The following ANKRD17 variants were observed in gnomAD, a reference collection of about 807,000 sequenced individuals.
ANKRD17 encodes ankyrin repeat domain-containing protein 17.
Under a neutral mutation model 229.7 loss-of-function variants are expected in ANKRD17, and 19 were observed. The observed-to-expected ratio is 0.08, with a 90% confidence interval of 0.06 to 0.12. The LOEUF (loss-of-function observed/expected upper bound fraction) is 0.12. ANKRD17 is among the 10% of genes least tolerant of loss of function. ANKRD17 has a pLI of 1.00. For synonymous variants in ANKRD17, 1,112 were observed against 1,146.1 expected, an observed-to-expected ratio of 0.97 and a Z score of 0.60; for missense variants, 2,176 against 3,176.8, an observed-to-expected ratio of 0.68 and a Z score of 7.57.
chr4:73,126,154 G>A (rs918568334), intron 16 of ANKRD17, among the ~76,000 whole-genome samples: 1 of 152,118 alleles, frequency 6.6e-6, no homozygotes, highest in African/African-American at 2.4e-5. Flanking sequence ...AGAATTCATG[G>A]AGCAGATTAT....
In ANKRD17 at chr4:73,175,565, G is replaced by A. The variant is rs193160586; in HGVS notation, c.547+1815C>T. Among the ~76,000 whole-genome samples the A allele has an allele frequency of 5.8e-4, 89 of 152,264 alleles. 1 individual carries two copies. The highest frequency in any genetic ancestry group is 2.4e-3 in the Admixed American group (37 of 15,292). On this transcript the variant is annotated intron_variant, in intron 2 of 33. Coordinates refer to ENST00000358602, the MANE Select transcript of ANKRD17 (RefSeq NM_032217.5). ...ACCTGATTTCAAATTATACTACAGA[G>A]TTATAGTAACCAAAATGGCATGATT...
At chr4:73,118,623 T>G in intron 22 of ANKRD17, 65 bp downstream of exon 22, 2 of 1,572,446 alleles carry the variant, frequency 1.3e-6, no homozygotes, top group East Asian at 4.5e-5. Context: ...TAGTGATCAC[T>G]AAGCCATGTA....
At chr4:73,153,511 AG>A (rs1488150026) in intron 6 of ANKRD17, among the ~76,000 whole-genome samples, 1 of 152,184 alleles carries the variant, frequency 6.6e-6, no homozygotes, top group African/African-American at 2.4e-5. Flanking sequence ...CTGCCAAAGG[AG>A]GGCATTTTCT....
rs111257127 is a variant in ANKRD17, at chr4:73,152,852, G to C, written c.1234+1028C>G. ...TGGGGAAGGGAACTAAGGGACCTCA[G>C]CTGTGCTCCCTATCTGAAAATCTAT... On this transcript the variant is annotated intron_variant, in intron 6 of 33. Transcript: ENST00000358602. Among the ~76,000 whole-genome samples, 287 of 152,252 alleles carry C rather than the reference G, an allele frequency of 1.9e-3. 1 individual carries two copies. The highest frequency in any genetic ancestry group is 6.6e-3 in the African/African-American group (275 of 41,536).
chr4:73,182,211 A>G (rs2149021823), intron 1 of ANKRD17, among the ~76,000 whole-genome samples: 1 of 152,136 alleles, frequency 6.6e-6, no homozygotes, highest in Middle Eastern at 3.4e-3. Flanking sequence ...GGGGGGAAAA[A>G]AGTTATCAAA....
At chr4:73,158,040 A>G (rs1731906253) in intron 3 of ANKRD17, among the ~76,000 whole-genome samples, 1 of 151,858 alleles carries the variant, frequency 6.6e-6, no homozygotes, top group Admixed American at 6.6e-5. Context: ...GCAGTGAGCC[A>G]GGATCACACC....
intron 24 of ANKRD17, chr4:73,113,435 T>C (rs1369875370): frequency 8.1e-7 from 1 of 1,233,032 alleles, no homozygotes; most frequent in Non-Finnish European, 1.1e-6. Flanking sequence ...GATAAACCTG[T>C]TGGCAATAAA....
At chr4:73,171,527 G>T (rs1734043047) in intron 2 of ANKRD17, among the ~76,000 whole-genome samples, 2 of 152,132 alleles carry the variant, frequency 1.3e-5, no homozygotes, top group Admixed American at 1.3e-4. Context: ...CATCTGCAAG[G>T]ATCACGACCA....
At chr4:73,183,743 C>T (rs1046066943) in intron 1 of ANKRD17, among the ~76,000 whole-genome samples, 4 of 151,992 alleles carry the variant, frequency 2.6e-5, no homozygotes, top group South Asian at 2.1e-4. Context: ...GGATTACAGG[C>T]GTGAGCCACT....
At chr4:73,217,422 G>A (rs1012365564) in intron 1 of ANKRD17, among the ~76,000 whole-genome samples, 2 of 151,988 alleles carry the variant, frequency 1.3e-5, no homozygotes, top group African/African-American at 4.8e-5. Context: ...ATGAAAAATT[G>A]GACTTCCAAA....
At chr4:73,123,523 T>A (rs1246117199) in intron 18 of ANKRD17, among the ~76,000 whole-genome samples, 1 of 151,986 alleles carries the variant, frequency 6.6e-6, no homozygotes, top group East Asian at 1.9e-4. Flanking sequence ...TATCTAACTA[T>A]CCATTCATAT....
intron 30 of ANKRD17, among the ~76,000 whole-genome samples, chr4:73,079,610 A>G (rs1721347402): frequency 1.3e-5 from 2 of 152,158 alleles, no homozygotes; most frequent in Non-Finnish European, 2.9e-5. Context: ...AACATTATAT[A>G]TACTGATAAA....
chr4:73,115,977 C>A, intron 22 of ANKRD17, 61 bp from the exon 23 acceptor site: 1 of 1,367,174 alleles, frequency 7.3e-7, no homozygotes, highest in Admixed American at 1.7e-5. Context: ...TAAATCTATG[C>A]CTGAACTAAC....
intron 1 of ANKRD17, among the ~76,000 whole-genome samples, chr4:73,225,789 G>A (rs565171028): frequency 6.7e-6 from 1 of 148,660 alleles, no homozygotes; most frequent in Admixed American, 6.7e-5. Flanking sequence ...TTGAACCCGG[G>A]AGGTGGAGGT....
At chr4:73,179,508 ATATATATATATTTTT>A (rs1735222536) in intron 1 of ANKRD17, among the ~76,000 whole-genome samples, 1 of 79,176 alleles carries the variant, frequency 1.3e-5, no homozygotes, top group Non-Finnish European at 2.7e-5. Context: ...ATATATATAT[ATATATATATATTTTT>A]TTTTTTTTTT....
chr4:73,255,235 G>A (rs1663246038), intron 1 of ANKRD17, among the ~76,000 whole-genome samples: 1 of 152,170 alleles, frequency 6.6e-6, no homozygotes, highest in Non-Finnish European at 1.5e-5. Flanking sequence ...ACAATTAAAT[G>A]AAGCTCTTAT....
chr4:73,098,039 A>G, intron 26 of ANKRD17, 34 bp downstream of exon 26: 1 of 1,536,872 alleles, frequency 6.5e-7, no homozygotes, highest in African/African-American at 1.4e-5. Flanking sequence ...TCATGATGAC[A>G]CTATAAATAT....
chr4:73,086,948 A>C lies in ANKRD17; in HGVS notation c.6962-1502T>G, dbSNP rs1332111544. Among the ~76,000 whole-genome samples, 13 of 92,882 alleles carry C rather than the reference A, an allele frequency of 1.4e-4. 1 individual carries two copies. In the South Asian group the frequency reaches 4.9e-3, roughly 35 times the overall value. 60.9% of individuals were successfully genotyped at this position (92,882 alleles called of 152,430 possible). A position where few individuals can be genotyped will look rare whatever the true frequency, so the allele number is the denominator to read the frequency against. ...TATATATATATATATATATATATAT[A>C]TATATCTGTAGGATTTTAAATAGGT... On this transcript the variant is annotated intron_variant, in intron 29 of 33. Transcript: ENST00000358602.
chr4:73,143,855 C>T (rs1024807668), intron 11 of ANKRD17, among the ~76,000 whole-genome samples: 1 of 152,096 alleles, frequency 6.6e-6, no homozygotes, highest in African/African-American at 2.4e-5. Flanking sequence ...CTTCTCCTAC[C>T]TCAGCCTCCC....
Sources: gnomAD v4.1 joint callset for allele counts (sites outside exome capture counted in the v4.1 genomes callset) on GRCh38, gnomAD v4.1.1 for gene constraint, MANE v1.5 for transcripts, NCBI Gene and HGNC (gene_info 2026-07-23, HGNC 2026-07-21) for gene names.